Variants in TMCC1 observed in about 807,000 individuals in gnomAD.
TMCC1 encodes the protein transmembrane and coiled-coil domain family 1.
In TMCC1, 15 loss-of-function variants were observed where a neutral mutation model predicts 52.4. The ratio of observed to expected loss-of-function variants is 0.29; its 90% CI spans 0.19 to 0.44. The LOEUF (loss-of-function observed/expected upper bound fraction) is 0.44, where lower values mean the gene tolerates loss of function less well. TMCC1 is among the 20% of genes least tolerant of loss of function. TMCC1 has a pLI of 1.00. For missense variants in TMCC1, 503 were observed against 806.0 expected (o/e 0.62, Z 4.55); for synonymous variants, 279 against 301.9 (o/e 0.92, Z 0.79).
intron 6 of TMCC1, among the ~76,000 whole-genome samples, chr3:129,652,906 T>C (rs1322852882): frequency 6.6e-6 from 1 of 152,248 alleles, no homozygotes; most frequent in Non-Finnish European, 1.5e-5. Context: ...AGCCAAACTG[T>C]AACCCAACTG....
chr3:129,761,372 G>A (rs932507383), intron 4 of TMCC1, among the ~76,000 whole-genome samples: 5 of 144,912 alleles, frequency 3.5e-5, no homozygotes, highest in African/African-American at 1.3e-4. Context: ...TTCACCTGTT[G>A]ATCCCTCCTC....
Position 129,653,827 on chromosome 3 carries a change from T to C in TMCC1, c.1647+1141A>G, listed in dbSNP as rs1209764220. Among the ~76,000 whole-genome samples the C allele has an allele frequency of 2.6e-5, 4 of 152,304 alleles. No individual in the cohort carries two copies. In the East Asian group the frequency reaches 5.8e-4, roughly 22 times the overall value. ...GACCTGATTGTATATTCTGTATCGC[T>C]CAATTACTAAAAAAACTTGAAAATA... is the stretch of plus-strand genomic sequence containing the variant. On this transcript the variant is annotated intron_variant, in intron 6 of 6. Transcript: ENST00000393238.
At chr3:129,806,472 C>T (rs766955339) in intron 4 of TMCC1, among the ~76,000 whole-genome samples, 14 of 152,150 alleles carry the variant, frequency 9.2e-5, no homozygotes, top group Non-Finnish European at 2.1e-4. Flanking sequence ...AACAATTTCT[C>T]AGGGAAAACT....
chr3:129,796,093 CAT>C (rs1448578996), intron 4 of TMCC1, among the ~76,000 whole-genome samples: 2 of 152,196 alleles, frequency 1.3e-5, no homozygotes, highest in Non-Finnish European at 2.9e-5. Context: ...CAACTAGCCA[CAT>C]ATATGACAGT....
chr3:129,832,412 G>A (rs2058963902), intron 3 of TMCC1, among the ~76,000 whole-genome samples: 2 of 152,230 alleles, frequency 1.3e-5, no homozygotes, highest in Middle Eastern at 3.4e-3. Context: ...GACAAAAAAC[G>A]CAGCCACCTA....
At chr3:129,845,768 A>C (rs2059637205) in intron 2 of TMCC1, among the ~76,000 whole-genome samples, 1 of 152,176 alleles carries the variant, frequency 6.6e-6, no homozygotes, top group African/African-American at 2.4e-5. Flanking sequence ...AAGTCATGAA[A>C]TATCAGGTAA....
At chr3:129,809,296 C>T (rs1576933567) in intron 4 of TMCC1, among the ~76,000 whole-genome samples, 1 of 140,650 alleles carries the variant, frequency 7.1e-6, no homozygotes, top group Non-Finnish European at 1.6e-5. Flanking sequence ...AATAAATCTA[C>T]AGAAAGTTGT....
At chr3:129,802,515 G>A (rs1017947760) in intron 4 of TMCC1, among the ~76,000 whole-genome samples, 1 of 152,196 alleles carries the variant, frequency 6.6e-6, no homozygotes, top group African/African-American at 2.4e-5. Flanking sequence ...GCTGAGGCAG[G>A]AGGATCGCTT....
At chr3:129,742,806 A>G (rs2051577870) in intron 4 of TMCC1, among the ~76,000 whole-genome samples, 2 of 152,330 alleles carry the variant, frequency 1.3e-5, no homozygotes, top group Non-Finnish European at 2.9e-5. Context: ...TATCCACATA[A>G]TAGAATATGA....
Position 129,828,485 on chromosome 3 carries a change from G to A in TMCC1, c.-107C>T. 9.6e-7 allele frequency: 1 copy of A among 1,041,588 alleles called. No individual in the cohort carries two copies. The highest frequency in any genetic ancestry group is 1.4e-6 in the Non-Finnish European group (1 of 705,924). 64.5% of individuals were successfully genotyped at this position (1,041,588 alleles called of 1,614,324 possible). On this transcript the variant is annotated 5_prime_UTR_variant, in exon 4 of 7. Coordinates refer to ENST00000393238, the MANE Select transcript of TMCC1 (RefSeq NM_001017395.5). This position sits in a 1 kb window ranked among gnomAD's most constrained non-coding sequence, Gnocchi z 4.1. The stretch of plus-strand genomic sequence containing the variant: ...TTCAACAGTGACTACGCATGCAGCT[G>A]TGAGACGAAGGCTTCATGCCTATCT...
chr3:129,821,071 A>T (rs1189558172), intron 4 of TMCC1, among the ~76,000 whole-genome samples: 3 of 152,040 alleles, frequency 2.0e-5, no homozygotes, highest in Non-Finnish European at 4.4e-5. Context: ...TTTTTTTCTT[A>T]TGTGTTTTAG....
At chr3:129,789,497 T>C (rs1015328804) in intron 4 of TMCC1, among the ~76,000 whole-genome samples, 8 of 152,252 alleles carry the variant, frequency 5.3e-5, no homozygotes, top group African/African-American at 1.9e-4. Context: ...TTCTTTTTTT[T>C]TGAGACGGAG....
chr3:129,790,885 G>A (rs73866127), intron 4 of TMCC1, among the ~76,000 whole-genome samples: 2 of 152,088 alleles, frequency 1.3e-5, no homozygotes, highest in South Asian at 2.1e-4. Context: ...TCTGGCCAAC[G>A]AAAACAAATT....
intron 5 of TMCC1, among the ~76,000 whole-genome samples, chr3:129,667,047 G>A (rs1299795063): frequency 2.0e-5 from 3 of 151,074 alleles, no homozygotes; most frequent in Non-Finnish European, 1.5e-5. Context: ...GACTACAGGC[G>A]CATGCCACCA....
intron 4 of TMCC1, among the ~76,000 whole-genome samples, chr3:129,774,642 T>G (rs984813029): frequency 9.9e-5 from 15 of 152,172 alleles, no homozygotes; most frequent in Admixed American, 9.8e-4. Context: ...TTTGGAGAAA[T>G]GACACCTAGG....
At chr3:129,688,813 C>T (rs560739181) in intron 4 of TMCC1, 1 of 907,472 alleles carries the variant, frequency 1.1e-6, no homozygotes, top group South Asian at 5.1e-5. Flanking sequence ...TTATAAAAGA[C>T]AAAAGCACCA....
intron 4 of TMCC1, among the ~76,000 whole-genome samples, chr3:129,783,713 G>A (rs2055732542): frequency 6.6e-6 from 1 of 152,300 alleles, no homozygotes; most frequent in East Asian, 1.9e-4. Flanking sequence ...TGAGGTAGGA[G>A]GGTAAATAAT....
chr3:129,873,582 A>G (rs1335530422), intron 2 of TMCC1, among the ~76,000 whole-genome samples: 1 of 152,156 alleles, frequency 6.6e-6, no homozygotes, highest in African/African-American at 2.4e-5. Flanking sequence ...CGGGAGGATA[A>G]GGCAAGAGGA....
chr3:129,711,764 G>A (rs1318926902), intron 4 of TMCC1, among the ~76,000 whole-genome samples: 1 of 150,242 alleles, frequency 6.7e-6, no homozygotes, highest in Non-Finnish European at 1.5e-5. Flanking sequence ...GGTGAGGCGG[G>A]CGGATCACGA....
Sources: gnomAD v4.1 joint callset for allele counts (sites outside exome capture counted in the v4.1 genomes callset) on GRCh38, gnomAD v4.1.1 for gene constraint, Gnocchi (gnomAD v3.1) non-coding constraint, MANE v1.5 for transcripts, NCBI Gene and HGNC (gene_info 2026-07-23, HGNC 2026-07-21) for gene names.